POC5: variants seen among roughly 807,000 people sequenced by gnomAD.
The protein encoded by POC5 is centrosomal protein POC5.
POC5 carries 48 observed loss-of-function variants against 62.9 expected under a neutral mutation model. The ratio of observed to expected loss-of-function variants is 0.76; its 90% confidence interval spans 0.61 to 0.97. The LOEUF (loss-of-function observed/expected upper bound fraction) is 0.97. Ranked by LOEUF, POC5 falls within the 50% of genes least tolerant of loss-of-function variation. The pLI, the probability that POC5 is intolerant of heterozygous loss-of-function variation, is 0.00. For missense variants in POC5, 696 were observed against 679.5 expected (o/e 1.02, Z -0.27); for synonymous variants, 236 against 228.2 (o/e 1.03, Z -0.31).
In POC5 at chr5:75,689,157, T is replaced by A. The variant is rs189156025; in HGVS notation, c.984A>T (p.Gly328=). ...TCTCAGCTTTTGCATTTTCCAAAGC[T>A]CCAGATAACTAAAATAAGAATGTTT... ...DYEAKVAMLS[G]ALENAKAEIQ... Residue 328 remains glycine, a synonymous_variant, in exon 9 of 12, where the codon GGA becomes GGT. Transcript: ENST00000428202. 35 of 1,540,122 alleles carry A rather than the reference T, an allele frequency of 2.3e-5. No homozygotes were observed. In the Admixed American group the frequency reaches 6.1e-4, roughly 27 times the overall value.
In POC5 at chr5:75,685,354, T is replaced by C. The variant is rs759525079; in HGVS notation, c.1260A>G (p.Pro420=). 1 of 1,613,684 alleles carries C rather than the reference T, an allele frequency of 6.2e-7. No individual in the cohort carries two copies. The highest frequency in any genetic ancestry group is 1.7e-5 in the Admixed American group (1 of 60,010). ...CGCTGGCTCCTCCGACGGCGGCTGG[T>C]GGGGATGGCAGCAGTGGTGATGTAA... is the stretch of plus-strand genomic sequence containing the variant. The part of the protein sequence containing the change: ...LPVTSPLLPS[P]PAAVGGASAT... The change falls in exon 10 of 12, where the codon CCA becomes CCG. Residue 420 remains proline, a synonymous_variant. Transcript: ENST00000428202.
Position 75,702,619 on chromosome 5 carries a change from T to G in POC5, c.499A>C (p.Ser167Arg), listed in dbSNP as rs1416883120. ...CTGTACCGTACCTTAAGACCTGAACTCCAAAGATCAAGCACATTTTCCATC... is the reference window on the plus strand; with the variant it reads ...CTGTACCGTACCTTAAGACCTGAACGCCAAAGATCAAGCACATTTTCCATC... ...QKMENVLDLW[S>R]SGLKTNIISE... Residue 167 changes from serine to arginine, a missense_variant, in exon 5 of 12, where the codon AGT (serine) becomes CGT (arginine). Physicochemically the swap from Ser to Arg is moderately radical, Grantham distance 110 (BLOSUM62 -1). Transcript: ENST00000428202. 1 of 1,612,976 alleles carries G rather than the reference T, an allele frequency of 6.2e-7. No homozygotes were observed. The highest frequency in any genetic ancestry group is 1.3e-5 in the African/African-American group (1 of 74,900).
At chr5:75,697,579 C>T (rs532647319) in intron 5 of POC5, among the ~76,000 whole-genome samples, 4 of 152,134 alleles carry the variant, frequency 2.6e-5, no homozygotes, top group African/African-American at 7.2e-5. Flanking sequence ...AAGGAACAAC[C>T]GGTAACACCC....
rs372320217 is a variant in POC5 at position 75,693,468 on chromosome 5, G to A, written c.691-968C>T. ...AATATTCTATGTGTTAAGCTGAATC[G>A]TAGTACCTGTCTATCCACTTTACTC... On this transcript the variant is annotated intron_variant, in intron 6 of 11. Transcript: ENST00000428202. 1.3e-4 allele frequency among the ~76,000 whole-genome samples: 20 copies of A among 152,102 alleles called. No individual in the cohort carries two copies. The East Asian group carries it at 2.3e-3, about 18-fold the overall frequency.
chr5:75,712,121 A>G (rs1777369515), intron 2 of POC5: 1 of 183,014 alleles, frequency 5.5e-6, no homozygotes, highest in Non-Finnish European at 1.0e-5. Context: ...AAAGGAACAA[A>G]TTTGTTTCAT....
intron 5 of POC5, among the ~76,000 whole-genome samples, chr5:75,695,470 A>C (rs1428322322): frequency 2.6e-5 from 4 of 152,204 alleles, no homozygotes; most frequent in Non-Finnish European, 5.9e-5. Context: ...AACCTGTTCC[A>C]AGGGGGGAAA....
chr5:75,677,177 A>G (rs1378280196), intron 11 of POC5, among the ~76,000 whole-genome samples: 1 of 152,262 alleles, frequency 6.6e-6, no homozygotes, highest in Non-Finnish European at 1.5e-5. Flanking sequence ...TGATTTGTAT[A>G]TATCACAAAG....
At chr5:75,676,810 G>A (rs1775678181) in intron 11 of POC5, among the ~76,000 whole-genome samples, 2 of 147,724 alleles carry the variant, frequency 1.4e-5, no homozygotes, top group Admixed American at 6.7e-5. Flanking sequence ...TGGGAGACAA[G>A]AGAGAAACTC....
intron 9 of POC5, among the ~76,000 whole-genome samples, chr5:75,688,631 T>C (rs778822097): frequency 2.0e-5 from 3 of 152,134 alleles, no homozygotes; most frequent in Non-Finnish European, 4.4e-5. Context: ...AGATAACAAA[T>C]ACTTACCAAA....
At chr5:75,702,576 A>G in intron 5 of POC5, 29 bp downstream of exon 5, 1 of 1,581,976 alleles carries the variant, frequency 6.3e-7, no homozygotes, top group Non-Finnish European at 8.6e-7. Flanking sequence ...ATACTAAACA[A>G]CTGTAATTGA....
chr5:75,677,996 C>A, intron 10 of POC5, 46 bp from the exon 11 acceptor site: 2 of 1,396,766 alleles, frequency 1.4e-6, no homozygotes, highest in East Asian at 2.6e-5. Flanking sequence ...GGCAGAAAAT[C>A]CACAGCAAAA....
intron 9 of POC5, among the ~76,000 whole-genome samples, chr5:75,686,282 A>G (rs1776096165): frequency 6.6e-6 from 1 of 152,226 alleles, no homozygotes; most frequent in Admixed American, 6.5e-5. Flanking sequence ...GTGTGGTATC[A>G]AACAGTGTGG....
chr5:75,680,076 T>C (rs1406199288), intron 10 of POC5, among the ~76,000 whole-genome samples: 1 of 152,188 alleles, frequency 6.6e-6, no homozygotes, highest in African/African-American at 2.4e-5. Flanking sequence ...TTCATGCTTC[T>C]GGCCTGAGGG....
rs770294088 is a variant in POC5, at chr5:75,677,867, A to G, written c.1491T>C (p.Ala497=). The G allele has an allele frequency of 8.0e-5, 129 of 1,611,790 alleles. No homozygotes were observed. Among genetic ancestry groups the G allele is most frequent in the Non-Finnish European group, 1.1e-4 (124 of 1,178,882 alleles). The part of the protein sequence containing the change: ...TARITGRCDF[A]SKNRISSSLA... ...AACTGCTGCTAATTCTATTTTTTGA[A>G]GCAAAATCACATCTTCCTGTGATCC... The change falls in exon 11 of 12, where the codon GCT becomes GCC. Residue 497 remains alanine (A), a synonymous_variant. Transcript: ENST00000428202.
chr5:75,707,197 C>G (rs191686111), intron 3 of POC5, among the ~76,000 whole-genome samples: 1 of 152,326 alleles, frequency 6.6e-6, no homozygotes, highest in East Asian at 1.9e-4. Flanking sequence ...CTTTTCTCCA[C>G]TTTTCACTCA....
chr5:75,690,991 G>C (rs940461249), intron 7 of POC5, among the ~76,000 whole-genome samples: 4 of 152,170 alleles, frequency 2.6e-5, no homozygotes, highest in Non-Finnish European at 5.9e-5. Flanking sequence ...TCTTCAGTTT[G>C]ATGGCCACCA....
rs541331463 is a variant in POC5, at chr5:75,694,923, G to C, written c.514-92C>G. 2.8e-4 allele frequency: 264 copies of C among 927,404 alleles called. No individual in the cohort carries two copies. The African/African-American group carries it at 4.0e-3, about 14-fold the overall frequency. The allele number at this position is 927,404 out of a possible 1,614,324, so 57.4% of individuals were successfully genotyped here. ...AAATAAAGAAACATTAAAAAAATCA[G>C]AACAAGCATCAACACAAAAGTCATT... On this transcript the variant is annotated intron_variant, in intron 5 of 11. Coordinates refer to ENST00000428202, the MANE Select transcript of POC5 (RefSeq NM_001099271.2).
chr5:75,714,131 G>T (rs903982006), intron 1 of POC5, among the ~76,000 whole-genome samples: 11 of 152,214 alleles, frequency 7.2e-5, no homozygotes, highest in African/African-American at 2.7e-4. Context: ...TGTAATCCTA[G>T]CACTTTGGGA....
chr5:75,716,392 G>T (rs563659075), intron 1 of POC5, among the ~76,000 whole-genome samples: 2 of 94,968 alleles, frequency 2.1e-5, no homozygotes, highest in African/African-American at 3.7e-5. Flanking sequence ...GTGGGGGGGG[G>T]GGGGTGCTGA....
Sources: allele counts gnomAD v4.1 joint callset (sites outside exome capture counted in the v4.1 genomes callset), GRCh38; gene constraint gnomAD v4.1.1; transcripts MANE v1.5; gene names NCBI Gene and HGNC (gene_info 2026-07-23, HGNC 2026-07-21).